Variants in CDH13 observed in about 807,000 individuals in gnomAD.
The protein encoded by CDH13 is cadherin 13, also known as cadherin-13.
In CDH13, 24 loss-of-function variants were observed where a neutral mutation model predicts 63.8. The observed-to-expected ratio is 0.38, with a 90% CI of 0.27 to 0.53. The LOEUF (loss-of-function observed/expected upper bound fraction) is 0.53. Ranked by LOEUF, CDH13 falls within the 20% of genes least tolerant of loss-of-function variation. The pLI is 0.85. For synonymous variants in CDH13, 503 were observed against 355.3 expected, an observed-to-expected ratio of 1.42 and a Z score of -4.67; for missense variants, 1,049 against 903.1, an observed-to-expected ratio of 1.16 and a Z score of -2.07.
intron 5 of CDH13, among the ~76,000 whole-genome samples, chr16:83,226,557 T>C (rs1167888496): frequency 1.3e-5 from 2 of 152,216 alleles, no homozygotes; most frequent in Non-Finnish European, 2.9e-5. Flanking sequence ...AATGACAGGA[T>C]GGCTACCCTT....
chr16:83,434,086 A>G (rs182143005), intron 6 of CDH13, among the ~76,000 whole-genome samples: 1 of 152,186 alleles, frequency 6.6e-6, no homozygotes, highest in East Asian at 1.9e-4. Flanking sequence ...CCAGTGCAGA[A>G]TAAATTGTCC....
At chr16:83,203,197 C>A (rs2039082790) in intron 4 of CDH13, among the ~76,000 whole-genome samples, 2 of 151,966 alleles carry the variant, frequency 1.3e-5, no homozygotes, top group South Asian at 2.1e-4. Flanking sequence ...GCACTCCAGC[C>A]TGGGCAACAA....
At chr16:82,845,504 C>T (rs2039217643) in intron 1 of CDH13, among the ~76,000 whole-genome samples, 1 of 152,156 alleles carries the variant, frequency 6.6e-6, no homozygotes. Context: ...CAGCCACCAG[C>T]ATCATCCTCT....
At chr16:82,778,069 G>C (rs2035580516) in intron 1 of CDH13, among the ~76,000 whole-genome samples, 1 of 152,190 alleles carries the variant, frequency 6.6e-6, no homozygotes, top group Non-Finnish European at 1.5e-5. Context: ...ACCCTCAGTG[G>C]AGGGGATTAC....
chr16:83,081,109 G>A (rs543719057), intron 3 of CDH13, among the ~76,000 whole-genome samples: 3 of 151,726 alleles, frequency 2.0e-5, no homozygotes, highest in Non-Finnish European at 4.4e-5. Context: ...TCGAACTCCC[G>A]ACGTCAGGTG....
chr16:82,836,038 A>C (rs76948437), intron 1 of CDH13, among the ~76,000 whole-genome samples: 2,884 of 152,302 alleles, frequency 0.019, 49 homozygotes, highest in Non-Finnish European at 0.028. Flanking sequence ...AGAATGTCTG[A>C]AATGCATTCT....
intron 2 of CDH13, among the ~76,000 whole-genome samples, chr16:82,916,632 A>G (rs1269478303): frequency 6.6e-6 from 1 of 152,134 alleles, no homozygotes; most frequent in African/African-American, 2.4e-5. Flanking sequence ...AAATGCCATG[A>G]TAGATACATT....
chr16:82,921,284 C>T (rs190640309), intron 2 of CDH13, among the ~76,000 whole-genome samples: 5 of 152,282 alleles, frequency 3.3e-5, no homozygotes, highest in African/African-American at 7.2e-5. Flanking sequence ...CAGAAGCTCT[C>T]GGGGAGCTTC....
intron 2 of CDH13, among the ~76,000 whole-genome samples, chr16:83,008,128 A>G (rs975127460): frequency 6.6e-6 from 1 of 152,310 alleles, no homozygotes. Flanking sequence ...GGACTTTATG[A>G]TACCTTAAGC....
intron 10 of CDH13, among the ~76,000 whole-genome samples, chr16:83,707,836 C>CAAGAAAAAAAAAAAAAAAAAAAAA (rs1907337970): frequency 1.3e-5 from 1 of 78,902 alleles, no homozygotes; most frequent in African/African-American, 5.0e-5. Context: ...ACCCTAAAGG[C>CAAGAAAAAAAAAAAAAAAAAAAAA]AAAAAAAAAA....
chr16:82,826,017 C>G (rs111662412), intron 1 of CDH13: 1 of 151,692 alleles, frequency 6.6e-6, no homozygotes, highest in Admixed American at 6.6e-5. Context: ...CCACACCGAG[C>G]TAATTTTTTG....
intron 1 of CDH13, among the ~76,000 whole-genome samples, chr16:82,782,489 T>G (rs1324720150): frequency 2.0e-5 from 3 of 151,396 alleles, no homozygotes; most frequent in African/African-American, 7.3e-5. Context: ...GAGGCGGAGG[T>G]TGCAGTGAGC....
intron 2 of CDH13, among the ~76,000 whole-genome samples, chr16:83,016,665 G>A (rs1327760834): frequency 1.3e-5 from 2 of 152,188 alleles, no homozygotes; most frequent in East Asian, 3.9e-4. Flanking sequence ...TGCCTTAGAT[G>A]GTGTTCTTGA....
chr16:82,672,386 T>C (rs957247166), intron 1 of CDH13, among the ~76,000 whole-genome samples: 5 of 152,182 alleles, frequency 3.3e-5, no homozygotes, highest in African/African-American at 1.2e-4. Flanking sequence ...TAAACTCCCA[T>C]GTATGCACCA....
chr16:83,205,850 G>A (rs1031189772), intron 4 of CDH13, among the ~76,000 whole-genome samples: 27 of 152,152 alleles, frequency 1.8e-4, no homozygotes, highest in East Asian at 5.8e-4. Flanking sequence ...TGATCCACCC[G>A]TCTCGGCATC....
intron 8 of CDH13, among the ~76,000 whole-genome samples, chr16:83,619,539 G>C (rs1414673819): frequency 1.3e-5 from 2 of 152,244 alleles, no homozygotes; most frequent in Admixed American, 1.3e-4. Context: ...TCCTTTGGAG[G>C]CTGGGAGAGA....
intron 7 of CDH13, among the ~76,000 whole-genome samples, chr16:83,593,952 T>C (rs1317327458): frequency 6.6e-6 from 1 of 152,204 alleles, no homozygotes; most frequent in Admixed American, 6.5e-5. Context: ...ACTTAGTGAC[T>C]TGAGACAAGA....
chr16:83,669,469 T>C (rs1248386971), intron 8 of CDH13, among the ~76,000 whole-genome samples: 5 of 152,140 alleles, frequency 3.3e-5, no homozygotes, highest in Admixed American at 1.3e-4. Context: ...ACGAATCAGA[T>C]CAAAATAATT....
At chr16:83,728,015 A>G (rs1436616003) in intron 10 of CDH13, among the ~76,000 whole-genome samples, 1 of 152,192 alleles carries the variant, frequency 6.6e-6, no homozygotes, top group Non-Finnish European at 1.5e-5. Context: ...TTGTGAGGCA[A>G]AAGCTTTTGA....
Sources: gnomAD v4.1 joint callset for allele counts (sites outside exome capture counted in the v4.1 genomes callset) on GRCh38, gnomAD v4.1.1 for gene constraint, MANE v1.5 for transcripts, NCBI Gene and HGNC (gene_info 2026-07-23, HGNC 2026-07-21) for gene names.